The following MARCHF1 variants were observed in gnomAD, a reference collection of about 807,000 sequenced individuals.
MARCHF1 encodes membrane associated ring-CH-type finger 1.
A neutral mutation model predicts 54.2 loss-of-function variants in MARCHF1; 40 were observed. The ratio of observed to expected loss-of-function variants is 0.74; its 90% CI spans 0.57 to 0.96. MARCHF1 has a LOEUF of 0.96. Ranked by LOEUF, MARCHF1 falls within the 40% of genes least tolerant of loss-of-function variation. MARCHF1 has a pLI of 0.00. For synonymous variants in MARCHF1, 236 were observed against 236.3 expected, an observed-to-expected ratio of 1.00 and a Z score of 0.01; for missense variants, 586 against 656.5, an observed-to-expected ratio of 0.89 and a Z score of 1.17.
intron 1 of MARCHF1, among the ~76,000 whole-genome samples, chr4:164,306,811 A>G (rs2111411221): frequency 6.6e-6 from 1 of 152,308 alleles, no homozygotes; most frequent in South Asian, 2.1e-4. Flanking sequence ...GACGATATAA[A>G]TTTAGCCTCT....
At chr4:164,080,154 T>A (rs927419654) in intron 2 of MARCHF1, among the ~76,000 whole-genome samples, 1 of 152,186 alleles carries the variant, frequency 6.6e-6, no homozygotes, top group Admixed American at 6.5e-5. Context: ...GAATAAGTCA[T>A]ATGTAGAACA....
chr4:163,716,572 G>A lies in MARCHF1; in HGVS notation c.112-15709C>T, dbSNP rs148135909. ...TTATTATTAATACACGCCTTTTGCC[G>A]AGGAGTCCAGAGGACATACAGTGGT... On this transcript the variant is annotated intron_variant, in intron 4 of 9. Coordinates refer to ENST00000514618, the MANE Select transcript of MARCHF1 (RefSeq NM_001394959.1). 2.8e-4 allele frequency among the ~76,000 whole-genome samples: 42 copies of A among 152,232 alleles called. 1 individual carries two copies. The East Asian group carries it at 5.2e-3, about 19-fold the overall frequency.
At chr4:163,657,480 T>C (rs112513509) in intron 5 of MARCHF1, among the ~76,000 whole-genome samples, 23,758 of 151,824 alleles carry the variant, frequency 0.16, 2,297 homozygotes, top group East Asian at 0.41. Context: ...AATGGCCATA[T>C]CGCCCCAAGT....
intron 5 of MARCHF1, among the ~76,000 whole-genome samples, chr4:163,682,550 T>G (rs559187951): frequency 2.0e-5 from 3 of 152,294 alleles, no homozygotes; most frequent in African/African-American, 7.2e-5. Flanking sequence ...TTCCAGCTGC[T>G]TAAGCTTCAG....
chr4:163,723,664 A>C (rs1196771964), intron 4 of MARCHF1, among the ~76,000 whole-genome samples: 29 of 152,002 alleles, frequency 1.9e-4, no homozygotes, highest in Admixed American at 1.9e-3. Flanking sequence ...GGTACACCAA[A>C]CAGATGTAGA....
rs142023055 is a variant in MARCHF1, at chr4:164,360,664, C to G, written c.-323+23206G>C. 1.6e-4 allele frequency among the ~76,000 whole-genome samples: 24 copies of G among 152,192 alleles called. No individual in the cohort carries two copies. In the East Asian group the frequency reaches 3.1e-3, roughly 20 times the overall value. On this transcript the variant is annotated intron_variant, in intron 1 of 9. Coordinates refer to ENST00000514618, the MANE Select transcript of MARCHF1 (RefSeq NM_001394959.1). ...ATTTTCATAGCCCTTCTAAAAGATTCTTACTCAGGTGATCCATGGATATGC... is the reference window on the plus strand; with the variant it reads ...ATTTTCATAGCCCTTCTAAAAGATTGTTACTCAGGTGATCCATGGATATGC...
intron 2 of MARCHF1, among the ~76,000 whole-genome samples, chr4:164,096,570 TAA>T (rs70948698): frequency 1.3e-5 from 2 of 150,652 alleles, no homozygotes; most frequent in Non-Finnish European, 3.0e-5. Flanking sequence ...TATCTAAAAT[TAA>T]AAAAAAAATT....
chr4:164,158,077 T>C (rs576331955), intron 1 of MARCHF1, among the ~76,000 whole-genome samples: 2 of 152,330 alleles, frequency 1.3e-5, no homozygotes, highest in African/African-American at 4.8e-5. Flanking sequence ...AGTATTTGCA[T>C]GCACTTGATG....
rs1733217690 is a variant in MARCHF1 at position 164,254,522 on chromosome 4, AT to A, written c.-323+129347del. ...TGTATACATATATAGTTAATACTTA[AT>A]AAACTCCCATATGTATGAAGTTTAT... On this transcript the variant is annotated intron_variant, in intron 1 of 9. Coordinates refer to ENST00000514618, the MANE Select transcript of MARCHF1 (RefSeq NM_001394959.1). Among the ~76,000 whole-genome samples, 4 of 151,698 alleles carry A rather than the reference AT, an allele frequency of 2.6e-5. No individual in the cohort carries two copies. In the South Asian group the frequency reaches 8.3e-4, roughly 32 times the overall value.
At chr4:163,811,224 T>G (rs1748375101) in intron 4 of MARCHF1, among the ~76,000 whole-genome samples, 1 of 152,060 alleles carries the variant, frequency 6.6e-6, no homozygotes, top group African/African-American at 2.4e-5. Context: ...TTGTTCCGAT[T>G]TTATAGACTG....
intron 3 of MARCHF1, among the ~76,000 whole-genome samples, chr4:163,863,637 CTG>C (rs1318789594): frequency 6.6e-6 from 1 of 151,998 alleles, no homozygotes; most frequent in Non-Finnish European, 1.5e-5. Flanking sequence ...TATCTCACTG[CTG>C]TGTCACTTGA....
At chr4:164,136,653 C>A (rs1048089674) in intron 1 of MARCHF1, among the ~76,000 whole-genome samples, 3 of 152,298 alleles carry the variant, frequency 2.0e-5, no homozygotes, top group African/African-American at 4.8e-5. Flanking sequence ...ACGCCTCAAC[C>A]ACGGAGCCTT....
chr4:163,824,703 A>G (rs1443815633), intron 4 of MARCHF1, among the ~76,000 whole-genome samples: 5 of 84,954 alleles, frequency 5.9e-5, no homozygotes, highest in Non-Finnish European at 1.3e-4. Flanking sequence ...GTGAACAGGC[A>G]ACCTACAAAA....
chr4:164,244,899 C>A (rs1238710777), intron 1 of MARCHF1, among the ~76,000 whole-genome samples: 1 of 151,840 alleles, frequency 6.6e-6, no homozygotes, highest in African/African-American at 2.4e-5. Flanking sequence ...TCTCCCAAGA[C>A]TAAACCAGGA....
At chr4:163,757,355 G>A (rs1188715910) in intron 4 of MARCHF1, among the ~76,000 whole-genome samples, 1 of 152,146 alleles carries the variant, frequency 6.6e-6, no homozygotes, top group Non-Finnish European at 1.5e-5. Context: ...TTGTGTTAGT[G>A]TACAGTTACT....
At chr4:163,700,740 A>T in intron 5 of MARCHF1, 73 bp downstream of exon 5, 1 of 1,129,318 alleles carries the variant, frequency 8.9e-7, no homozygotes, top group African/African-American at 1.5e-5. Context: ...ATTATAGGTT[A>T]AACATTATAA....
At chr4:163,584,431 T>C in intron 8 of MARCHF1, 1 of 152,214 alleles carries the variant, frequency 6.6e-6, no homozygotes, top group African/African-American at 2.4e-5. Flanking sequence ...ATTTAACTAC[T>C]GCAGACAATG....
chr4:163,982,053 C>T (rs1245056906), intron 3 of MARCHF1, among the ~76,000 whole-genome samples: 2 of 152,210 alleles, frequency 1.3e-5, no homozygotes, highest in Admixed American at 6.5e-5. Context: ...CAATTATCCA[C>T]AACATCTGTT....
In MARCHF1 at chr4:164,253,625, C is replaced by T. The variant is rs540125208; in HGVS notation, c.-323+130245G>A. 6.6e-5 allele frequency among the ~76,000 whole-genome samples: 10 copies of T among 152,038 alleles called. No individual in the cohort carries two copies. In the South Asian group the frequency reaches 2.1e-3, roughly 32 times the overall value. ...AGCTTTGTGTATATATCTATATTTT[C>T]CTATATTTGTTTATTTAATTTTGTG... On this transcript the variant is annotated intron_variant, in intron 1 of 9. Coordinates refer to ENST00000514618, the MANE Select transcript of MARCHF1 (RefSeq NM_001394959.1).
Sources: allele counts gnomAD v4.1 joint callset (sites outside exome capture counted in the v4.1 genomes callset), GRCh38; gene constraint gnomAD v4.1.1; transcripts MANE v1.5; gene names NCBI Gene and HGNC (gene_info 2026-07-23, HGNC 2026-07-21).